Variants in SKAP1 observed in about 807,000 individuals in gnomAD.
The protein encoded by SKAP1 is src kinase associated phosphoprotein 1.
A neutral mutation model predicts 58.5 loss-of-function variants in SKAP1; 44 were observed. The ratio of observed to expected loss-of-function variants is 0.75; its 90% confidence interval spans 0.59 to 0.97. The LOEUF is 0.97. Among genes scored for constraint, SKAP1 ranks in the 50% least tolerant of loss-of-function variants. The probability of loss-of-function intolerance (pLI) is 0.00; values close to 1 mark genes in which losing one functional copy is unlikely to be tolerated. For synonymous variants in SKAP1, 127 were observed against 149.7 expected, an observed-to-expected ratio of 0.85 and a Z score of 1.11; for missense variants, 390 against 435.2, an observed-to-expected ratio of 0.90 and a Z score of 0.92.
chr17:48,296,774 A>G (rs532130821), intron 4 of SKAP1, among the ~76,000 whole-genome samples: 29 of 152,086 alleles, frequency 1.9e-4, no homozygotes, highest in Admixed American at 4.6e-4. Flanking sequence ...ATTTTTTCAG[A>G]GAAAAATAGA....
chr17:48,280,003 T>G lies in SKAP1; in HGVS notation c.280+65902A>C, dbSNP rs2065747221. Among the ~76,000 whole-genome samples, 2 of 152,198 alleles carry G rather than the reference T, an allele frequency of 1.3e-5. 1 individual carries two copies. Among genetic ancestry groups the G allele is most frequent in the South Asian group, 4.1e-4 (2 of 4,832 alleles). ...AAGAGAGCAGACAGAGAAGAAAATA[T>G]ACTTATTTCTCATGGAAAGAACTCA... On this transcript the variant is annotated intron_variant, in intron 4 of 12. Coordinates refer to ENST00000336915, the MANE Select transcript of SKAP1 (RefSeq NM_003726.4).
chr17:48,348,340 C>CAA (rs565006476), intron 3 of SKAP1, among the ~76,000 whole-genome samples: 149 of 75,226 alleles, frequency 2.0e-3, no homozygotes, highest in African/African-American at 4.8e-3. Context: ...AGCCCTGCCT[C>CAA]AAAAAAAAAA....
At chr17:48,433,363 A>C (rs2067928047), upstream of SKAP1, among the ~76,000 whole-genome samples, 1 of 152,170 alleles carries the variant, frequency 6.6e-6, no homozygotes, top group African/African-American at 2.4e-5. Flanking sequence ...GCAGTAGCTG[A>C]GTCCCTGCCT....
intron 4 of SKAP1, among the ~76,000 whole-genome samples, chr17:48,342,476 C>T (rs1448543733): frequency 7.9e-6 from 1 of 127,186 alleles, no homozygotes; most frequent in African/African-American, 3.4e-5. Flanking sequence ...CAATATGCAG[C>T]ATGCTTCTAT....
intron 4 of SKAP1, among the ~76,000 whole-genome samples, chr17:48,262,865 A>G (rs1382725060): frequency 2.0e-5 from 3 of 152,228 alleles, no homozygotes; most frequent in African/African-American, 7.2e-5. Context: ...AAGAAGTAGA[A>G]GAGATGAAAC....
Position 48,170,609 on chromosome 17 carries a change from C to A in SKAP1, c.877G>T (p.Val293Leu), listed in dbSNP as rs201999452. 6.2e-7 allele frequency: 1 copy of A among 1,613,422 alleles called. No homozygotes were observed. Among genetic ancestry groups the A allele is most frequent in the Non-Finnish European group, 8.5e-7 (1 of 1,179,600 alleles). ...EDESGTRRKG[V>L]DYASYYQGLW... ...CCTGTGCATTTAGAAGCTCTTATAC[C>A]TCCTTTTCGTCGAGTGCCACTCTCA... Residue 293 changes from valine (V) to leucine (L), a missense_variant and splice_region_variant, in exon 10 of 13, where the codon GTA becomes TTA. Transcript: ENST00000336915.
chr17:48,171,365 C>G (rs541159525), intron 9 of SKAP1, among the ~76,000 whole-genome samples: 2 of 152,058 alleles, frequency 1.3e-5, no homozygotes, highest in Non-Finnish European at 2.9e-5. Flanking sequence ...CTTGGCCTCC[C>G]AAAGTGCTGG....
In SKAP1 at chr17:48,208,864, G is replaced by A. The variant is rs138785530; in HGVS notation, c.281-19364C>T. Among the ~76,000 whole-genome samples, 34 of 152,246 alleles carry A rather than the reference G, an allele frequency of 2.2e-4. No individual in the cohort carries two copies. The East Asian group carries it at 6.6e-3, about 29-fold the overall frequency. On this transcript the variant is annotated intron_variant, in intron 4 of 12. Coordinates refer to ENST00000336915, the MANE Select transcript of SKAP1 (RefSeq NM_003726.4). ...AGCAGAGGGAGTGTGCTAATAATTA[G>A]AAGTGAGAGGCAAGTGTCTGGATGC...
intron 4 of SKAP1, among the ~76,000 whole-genome samples, chr17:48,230,624 T>C (rs1331066444): frequency 6.6e-6 from 1 of 151,910 alleles, no homozygotes; most frequent in Non-Finnish European, 1.5e-5. Context: ...GGTGTGGTGG[T>C]GTGTGCCTGT....
At chr17:48,269,138 C>T (rs2065594913) in intron 4 of SKAP1, among the ~76,000 whole-genome samples, 1 of 151,972 alleles carries the variant, frequency 6.6e-6, no homozygotes, top group Non-Finnish European at 1.5e-5. Flanking sequence ...AATTTAGATT[C>T]TTGTCTCACA....
intron 11 of SKAP1, among the ~76,000 whole-genome samples, chr17:48,142,954 A>T (rs1598357843): frequency 6.8e-6 from 1 of 146,306 alleles, no homozygotes; most frequent in Non-Finnish European, 1.5e-5. Flanking sequence ...GGTGCATTTC[A>T]CCATGCCTGG....
chr17:48,200,350 C>T (rs1002582319), intron 4 of SKAP1, among the ~76,000 whole-genome samples: 2 of 151,776 alleles, frequency 1.3e-5, no homozygotes, highest in Non-Finnish European at 2.9e-5. Flanking sequence ...AGCTGAGCTC[C>T]ATCACAAGAT....
At chr17:48,169,971 T>C (rs933206973) in intron 10 of SKAP1, among the ~76,000 whole-genome samples, 1 of 152,192 alleles carries the variant, frequency 6.6e-6, no homozygotes, top group Non-Finnish European at 1.5e-5. Flanking sequence ...GAATAGGTCC[T>C]TGGTCCACTT....
At chr17:48,189,594 C>A in intron 4 of SKAP1, 94 bp from the exon 5 acceptor site, 4 of 775,242 alleles carry the variant, frequency 5.2e-6, no homozygotes, top group Non-Finnish European at 6.4e-6. Context: ...TAACAGAGTA[C>A]AAAAAGGGCA....
chr17:48,443,061 C>T, the SKAP1 span, among the ~76,000 whole-genome samples: 1 of 152,158 alleles, frequency 6.6e-6, no homozygotes, highest in Admixed American at 6.5e-5. Context: ...CTTCCGTTTG[C>T]TCACATGTGC....
chr17:48,250,657 T>C (rs1168016770), intron 4 of SKAP1, among the ~76,000 whole-genome samples: 3 of 152,114 alleles, frequency 2.0e-5, no homozygotes, highest in African/African-American at 2.4e-5. Context: ...TCTTCTCGTT[T>C]TTCTAAAAAA....
chr17:48,246,472 G>T (rs902891645), intron 4 of SKAP1, among the ~76,000 whole-genome samples: 3 of 152,170 alleles, frequency 2.0e-5, no homozygotes, highest in East Asian at 1.9e-4. Flanking sequence ...CATAGCAGAG[G>T]TTCTCTCATT....
At chr17:48,249,036 A>G (rs995533586) in intron 4 of SKAP1, 1 of 151,984 alleles carries the variant, frequency 6.6e-6, no homozygotes, top group African/African-American at 2.4e-5. Flanking sequence ...TCTACTAAAA[A>G]CAAAACAAAA....
chr17:48,411,028 A>C (rs998654799), intron 1 of SKAP1, among the ~76,000 whole-genome samples: 1 of 151,996 alleles, frequency 6.6e-6, no homozygotes, highest in Non-Finnish European at 1.5e-5. Context: ...CAACAAAATA[A>C]AGTAATATTG....
Sources: gnomAD v4.1 joint callset for allele counts (sites outside exome capture counted in the v4.1 genomes callset) on GRCh38, gnomAD v4.1.1 for gene constraint, MANE v1.5 for transcripts, NCBI Gene and HGNC (gene_info 2026-07-23, HGNC 2026-07-21) for gene names.